The following ATP10A variants were observed in gnomAD, a reference collection of about 807,000 sequenced individuals.
The protein encoded by ATP10A is ATPase phospholipid transporting 10A (putative), also known as phospholipid-transporting ATPase VA.
Under a neutral mutation model 147.8 loss-of-function variants are expected in ATP10A, and 111 were observed. That is an observed-to-expected ratio of 0.75 (90% CI 0.64 to 0.88). The LOEUF (loss-of-function observed/expected upper bound fraction) is 0.88, where lower values mean the gene tolerates loss of function less well. ATP10A is among the 40% of genes least tolerant of loss of function. The pLI is 0.00. For missense variants in ATP10A, 1,927 were observed against 1,959.0 expected (o/e 0.98, Z 0.31); for synonymous variants, 875 against 841.6 (o/e 1.04, Z -0.69).
intron 1 of ATP10A, among the ~76,000 whole-genome samples, chr15:25,857,430 G>C (rs1893564714): frequency 6.6e-6 from 1 of 152,184 alleles, no homozygotes; most frequent in Admixed American, 6.5e-5. Flanking sequence ...CTAGGCAACA[G>C]GGCAAGACTC....
Position 25,687,825 on chromosome 15 carries a change from C to T in ATP10A, c.3169G>A (p.Val1057Met). 3 of 1,613,886 alleles carry T rather than the reference C, an allele frequency of 1.9e-6. No homozygotes were observed. Among genetic ancestry groups the T allele is most frequent in the Non-Finnish European group, 2.5e-6 (3 of 1,179,866 alleles). Residue 1057 changes from valine to methionine, a missense_variant, in exon 16 of 21, where the codon GTG becomes ATG. Val to Met is a conservative substitution (Grantham distance 21, BLOSUM62 1). Transcript: ENST00000555815. ...GISGQEGMQA[V>M]MASDFAVPKF... ...GGCACTGCAAAGTCGCTGGCCATCA[C>T]TGCCTTCAAAGGGAGAGGGATTCCT...
chr15:25,751,424 A>G (rs950055245), intron 2 of ATP10A, among the ~76,000 whole-genome samples: 12 of 152,168 alleles, frequency 7.9e-5, no homozygotes, highest in African/African-American at 2.9e-4. Flanking sequence ...TACCTGTTTG[A>G]CATCTATAAA....
In ATP10A at chr15:25,685,651, C is replaced by T. The variant is rs374047357; in HGVS notation, c.3291+2052G>A. Among the ~76,000 whole-genome samples, 10 of 152,028 alleles carry T rather than the reference C, an allele frequency of 6.6e-5. No individual in the cohort carries two copies. The East Asian group carries it at 1.4e-3, about 21-fold the overall frequency. ...TTTGACACCAGCCTGGGCAACATAG[C>T]GACACCCTGTCTCTACAAAATAGAA... On this transcript the variant is annotated intron_variant, in intron 16 of 20. Coordinates refer to ENST00000555815, the MANE Select transcript of ATP10A (RefSeq NM_024490.4).
chr15:25,806,063 G>A (rs1053021053), intron 1 of ATP10A, among the ~76,000 whole-genome samples: 31 of 152,052 alleles, frequency 2.0e-4, no homozygotes, highest in African/African-American at 7.0e-4. Context: ...TTCATTCCAC[G>A]TACTACATGA....
intron 2 of ATP10A, among the ~76,000 whole-genome samples, chr15:25,736,531 C>A (rs1887291945): frequency 6.6e-6 from 1 of 152,154 alleles, no homozygotes; most frequent in Non-Finnish European, 1.5e-5. Context: ...ACCTGGAAAA[C>A]AGGAGCTTAT....
chr15:25,764,565 G>A (rs1888926332), intron 2 of ATP10A, among the ~76,000 whole-genome samples: 1 of 152,166 alleles, frequency 6.6e-6, no homozygotes. Flanking sequence ...GTGGCTGTCT[G>A]CAGGCCGGGA....
chr15:25,792,078 C>T (rs964502726), intron 1 of ATP10A, among the ~76,000 whole-genome samples: 1 of 152,194 alleles, frequency 6.6e-6, no homozygotes, highest in Admixed American at 6.5e-5. Context: ...TCCAATGCTG[C>T]TTCTTCCAGA....
downstream of ATP10A, among the ~76,000 whole-genome samples, chr15:25,677,055 C>A (rs1899151685): frequency 6.6e-6 from 1 of 152,046 alleles, no homozygotes; most frequent in East Asian, 1.9e-4. Context: ...AGTATCTGAC[C>A]TCCGAGAACT....
chr15:25,808,428 A>C (rs976291871), intron 1 of ATP10A, among the ~76,000 whole-genome samples: 2 of 152,208 alleles, frequency 1.3e-5, no homozygotes, highest in Non-Finnish European at 2.9e-5. Flanking sequence ...CTTGTTTCCC[A>C]GACTGGAGTG....
At chr15:25,815,281 G>T (rs1194171726) in intron 1 of ATP10A, among the ~76,000 whole-genome samples, 1 of 152,180 alleles carries the variant, frequency 6.6e-6, no homozygotes, top group Non-Finnish European at 1.5e-5. Context: ...AATGTTTCAC[G>T]TGACTTCCAG....
At chr15:25,857,776 T>C (rs1041333441) in intron 1 of ATP10A, among the ~76,000 whole-genome samples, 9 of 152,178 alleles carry the variant, frequency 5.9e-5, no homozygotes, top group African/African-American at 2.2e-4. Context: ...GTAATAACTG[T>C]GAACACGGGG....
intron 2 of ATP10A, among the ~76,000 whole-genome samples, chr15:25,750,967 G>A (rs892065717): frequency 1.2e-4 from 19 of 152,054 alleles, no homozygotes; most frequent in African/African-American, 3.9e-4. Flanking sequence ...CAACTAGCAA[G>A]ATGATAGGCT....
intron 1 of ATP10A, among the ~76,000 whole-genome samples, chr15:25,811,785 T>C (rs909683141): frequency 3.9e-5 from 6 of 152,172 alleles, no homozygotes; most frequent in Non-Finnish European, 8.8e-5. Flanking sequence ...CAGCCTGACC[T>C]CGTAGCACTT....
chr15:25,803,007 G>A (rs544398221), intron 1 of ATP10A, among the ~76,000 whole-genome samples: 2 of 152,166 alleles, frequency 1.3e-5, no homozygotes, highest in Non-Finnish European at 2.9e-5. Flanking sequence ...CTGTTTTAGG[G>A]GTTTTGCCTA....
chr15:25,712,900 G>T (rs1406687466), intron 10 of ATP10A, among the ~76,000 whole-genome samples: 1 of 152,158 alleles, frequency 6.6e-6, no homozygotes, highest in African/African-American at 2.4e-5. Context: ...TGTGCCAGGG[G>T]TCCTCTCCTG....
chr15:25,673,403 G>C (rs1596663974), downstream of ATP10A, among the ~76,000 whole-genome samples: 1 of 152,224 alleles, frequency 6.6e-6, no homozygotes, highest in Non-Finnish European at 1.5e-5. Context: ...ATGGCTTTCA[G>C]CTACATCAGC....
chr15:25,775,595 C>T (rs756958689), intron 2 of ATP10A, among the ~76,000 whole-genome samples: 10 of 152,246 alleles, frequency 6.6e-5, no homozygotes, highest in East Asian at 1.9e-4. Context: ...CACACACACA[C>T]GTGCACACAT....
At chr15:25,736,706 A>G (rs1887306277) in intron 2 of ATP10A, among the ~76,000 whole-genome samples, 1 of 152,214 alleles carries the variant, frequency 6.6e-6, no homozygotes, top group South Asian at 2.1e-4. Flanking sequence ...TTTTCCATTG[A>G]TAGATAAAAC....
intron 2 of ATP10A, among the ~76,000 whole-genome samples, chr15:25,746,975 TTC>T (rs1887873244): frequency 6.6e-6 from 1 of 152,168 alleles, no homozygotes; most frequent in Admixed American, 6.5e-5. Flanking sequence ...TCTGAAAAAC[TTC>T]TTGTCTTAAG....
Sources: allele counts gnomAD v4.1 joint callset (sites outside exome capture counted in the v4.1 genomes callset), GRCh38; gene constraint gnomAD v4.1.1; transcripts MANE v1.5; gene names NCBI Gene and HGNC (gene_info 2026-07-23, HGNC 2026-07-21).